MEF2C: variants seen among roughly 807,000 people sequenced by gnomAD.
MEF2C encodes myocyte-specific enhancer factor 2C.
MEF2C carries 6 observed loss-of-function variants against 50.5 expected under a neutral mutation model. The observed-to-expected ratio is 0.12, with a 90% CI of 0.07 to 0.23. MEF2C has a LOEUF of 0.23. Among genes scored for constraint, MEF2C ranks in the 10% least tolerant of loss-of-function variants. MEF2C has a pLI of 1.00. For missense variants in MEF2C, 276 were observed against 605.0 expected, an observed-to-expected ratio of 0.46 and a Z score of 5.70; for synonymous variants, 183 against 228.0, an observed-to-expected ratio of 0.80 and a Z score of 1.78.
Position 88,750,089 on chromosome 5 carries a change from GTGA to G in MEF2C, c.590-975_590-973del. Reference sequence around the variant, plus strand: ...ACAACATTCAGCCAAAAGAATAATAGTGAGAATATCATCTAGATTTTCTAATTG... The same window carrying G: ...ACAACATTCAGCCAAAAGAATAATAGGAATATCATCTAGATTTTCTAATTG... On this transcript the variant is annotated intron_variant, in intron 5 of 10. Coordinates refer to ENST00000504921, the MANE Select transcript of MEF2C (RefSeq NM_002397.5). 3 of 728,530 alleles carry G rather than the reference GTGA, an allele frequency of 4.1e-6. No homozygotes were observed. The South Asian group carries it at 1.9e-4, about 45-fold the overall frequency. 45.1% of individuals were successfully genotyped at this position (728,530 alleles called of 1,614,324 possible).
rs1440281549 is a variant in MEF2C, at chr5:88,720,034, T to A, written c.*2570A>T. On this transcript the variant is annotated 3_prime_UTR_variant, in exon 11 of 11. Transcript: ENST00000504921. The stretch of plus-strand genomic sequence containing the variant: ...ATGGCTATTTCTTCATATTTTCATG[T>A]AATGACCCTTTCCCACCCACTGGTA... 2 of 152,220 alleles carry A rather than the reference T, an allele frequency of 1.3e-5. No individual in the cohort carries two copies. Among genetic ancestry groups the A allele is most frequent in the Non-Finnish European group, 2.9e-5 (2 of 68,024 alleles). The allele number at this position is 152,220 out of a possible 1,614,324, so 9.4% of individuals were successfully genotyped here.
intron 6 of MEF2C, chr5:88,741,835 T>A (rs566980188): frequency 2.0e-6 from 2 of 985,094 alleles, no homozygotes; most frequent in South Asian, 9.4e-5. Flanking sequence ...GTTAAAACAA[T>A]TGAAATGGAG....
At chr5:88,813,536 C>T (rs867140658) in intron 2 of MEF2C, among the ~76,000 whole-genome samples, 32 of 152,128 alleles carry the variant, frequency 2.1e-4, no homozygotes, top group African/African-American at 5.5e-4. Context: ...ACTGTTCTTG[C>T]ACCTTGCAGG....
chr5:88,897,480 T>G (rs1010307979), intron 1 of MEF2C, among the ~76,000 whole-genome samples: 2 of 152,222 alleles, frequency 1.3e-5, no homozygotes, highest in Non-Finnish European at 2.9e-5. Context: ...TGCTCTACAC[T>G]CTCATACGTT....
chr5:88,739,477 G>A (rs1401531658), intron 6 of MEF2C: 1 of 962,600 alleles, frequency 1.0e-6, no homozygotes, highest in Non-Finnish European at 1.2e-6. Flanking sequence ...TTAAAAGTTA[G>A]TTTCCAATAT....
At chr5:88,776,645 A>AAGGG (rs1483109427) in intron 3 of MEF2C, among the ~76,000 whole-genome samples, 1 of 152,202 alleles carries the variant, frequency 6.6e-6, no homozygotes, top group African/African-American at 2.4e-5. Context: ...AGAGGAAAGA[A>AAGGG]AGGGAGGGAG....
intron 1 of MEF2C, among the ~76,000 whole-genome samples, chr5:88,841,637 A>T (rs1817424544): frequency 6.6e-6 from 1 of 152,170 alleles, no homozygotes. Context: ...TCCATAAGTC[A>T]CACATACTTG....
chr5:88,780,232 G>A (rs1317353551), intron 3 of MEF2C, among the ~76,000 whole-genome samples: 2 of 151,998 alleles, frequency 1.3e-5, no homozygotes, highest in East Asian at 1.9e-4. Context: ...TTGTACAAAC[G>A]CAATTGTGGA....
chr5:88,867,954 G>A (rs61104616), intron 1 of MEF2C, among the ~76,000 whole-genome samples: 70,805 of 151,980 alleles, frequency 0.47, 17,052 homozygotes, highest in Non-Finnish European at 0.53. Context: ...TTCTTAGTCT[G>A]TGAATAATAT....
rs919834048 is a variant in MEF2C at position 88,775,212 on chromosome 5, C to A, written c.259-13884G>T. 7.2e-5 allele frequency among the ~76,000 whole-genome samples: 11 copies of A among 152,334 alleles called. No individual in the cohort carries two copies. In the East Asian group the frequency reaches 2.1e-3, roughly 29 times the overall value. ...GAGTTAGGGTCCTCTGCTCAACTTT[C>A]CACTGGGACTTGCCTGCTAGTTTCC... is the stretch of plus-strand genomic sequence containing the variant. On this transcript the variant is annotated intron_variant, in intron 3 of 10. Transcript: ENST00000504921.
intron 1 of MEF2C, among the ~76,000 whole-genome samples, chr5:88,868,741 A>G (rs1306811907): frequency 1.3e-5 from 2 of 152,176 alleles, no homozygotes; most frequent in East Asian, 3.9e-4. Context: ...AAGAGCAAAT[A>G]TTCCGAATTA....
At chr5:88,882,870 C>CT (rs1296196300) in intron 1 of MEF2C, 85 bp downstream of exon 1, 1 of 152,116 alleles carries the variant, frequency 6.6e-6, no homozygotes, top group Non-Finnish European at 1.5e-5. Flanking sequence ...GATAGATAGA[C>CT]ACAGTGCCGT....
intron 4 of MEF2C, among the ~76,000 whole-genome samples, chr5:88,759,727 G>A (rs1777022310): frequency 6.6e-6 from 1 of 152,172 alleles, no homozygotes; most frequent in Non-Finnish European, 1.5e-5. Flanking sequence ...TCATGATACA[G>A]TGTATTAATA....
intron 1 of MEF2C, among the ~76,000 whole-genome samples, chr5:88,855,813 C>T (rs577136419): frequency 1.3e-5 from 2 of 152,160 alleles, no homozygotes; most frequent in Non-Finnish European, 2.9e-5. Flanking sequence ...AATTAAACTT[C>T]TTTTCTTTAT....
intron 6 of MEF2C, chr5:88,739,408 A>T: frequency 3.1e-6 from 3 of 966,518 alleles, no homozygotes; most frequent in Non-Finnish European, 3.7e-6. Flanking sequence ...AATGTCACAT[A>T]CATAATAATG....
intron 3 of MEF2C, chr5:88,785,322 A>AT (rs1271901764): frequency 1.3e-5 from 2 of 150,146 alleles, no homozygotes; most frequent in East Asian, 1.9e-4. Context: ...ACACACACGT[A>AT]TTTTTTTATG....
chr5:88,779,601 T>TTGTG (rs58856249), intron 3 of MEF2C, among the ~76,000 whole-genome samples: 2,553 of 148,102 alleles, frequency 0.017, 22 homozygotes, highest in Middle Eastern at 0.032. Context: ...TTGTGTAGGT[T>TTGTG]TGTGTGTGTG....
intron 3 of MEF2C, among the ~76,000 whole-genome samples, chr5:88,780,339 T>C (rs748062479): frequency 6.6e-6 from 1 of 152,176 alleles, no homozygotes; most frequent in South Asian, 2.1e-4. Context: ...AACTATAAAT[T>C]TGTTGTACCT....
intron 1 of MEF2C, among the ~76,000 whole-genome samples, chr5:88,890,007 A>G (rs1441921803): frequency 6.6e-6 from 1 of 152,228 alleles, no homozygotes; most frequent in African/African-American, 2.4e-5. Context: ...CTGCAGGTCT[A>G]GCCGCCGCCC....
Sources: allele counts gnomAD v4.1 joint callset (sites outside exome capture counted in the v4.1 genomes callset), GRCh38; gene constraint gnomAD v4.1.1; transcripts MANE v1.5; gene names NCBI Gene and HGNC (gene_info 2026-07-23, HGNC 2026-07-21).